The following PCDHGB3 variants were observed in gnomAD, a reference collection of about 807,000 sequenced individuals.
PCDHGB3 encodes protocadherin gamma-B3.
Under a neutral mutation model 59.2 loss-of-function variants are expected in PCDHGB3, and 40 were observed. The ratio of observed to expected loss-of-function variants is 0.68; its 90% CI spans 0.52 to 0.88. PCDHGB3 has a LOEUF of 0.88. Ranked by LOEUF, PCDHGB3 falls within the 40% of genes least tolerant of loss-of-function variation. PCDHGB3 has a pLI of 0.00. For synonymous variants in PCDHGB3, 581 were observed against 503.6 expected, an observed-to-expected ratio of 1.15 and a Z score of -2.06; for missense variants, 1,309 against 1,187.9, an observed-to-expected ratio of 1.10 and a Z score of -1.50.
chr5:141,396,134 A>G (rs970824771), intron 1 of PCDHGB3: 1 of 152,226 alleles, frequency 6.6e-6, no homozygotes, highest in East Asian at 1.9e-4. Context: ...CACAAGTTCT[A>G]AATAAGCTGA....
chr5:141,486,163 G>A lies in PCDHGB3; in HGVS notation c.2416-8644G>A. 2.5e-6 allele frequency: 4 copies of A among 1,614,212 alleles called. No individual in the cohort carries two copies. Among genetic ancestry groups the A allele is most frequent in the Non-Finnish European group, 3.4e-6 (4 of 1,180,034 alleles). The stretch of plus-strand genomic sequence containing the variant: ...CTCGCGATGGGGGTTCTCCAGCCAT[G>A]GAGCAACATTGCAGCCTTCGAGTGG... On this transcript the variant is annotated intron_variant, in intron 1 of 3. Transcript: ENST00000576222. This position sits in a 1 kb window ranked among gnomAD's most constrained non-coding sequence, Gnocchi z 5.0.
At chr5:141,389,620 C>T (rs1447057180) in intron 1 of PCDHGB3, 1 of 1,613,032 alleles carries the variant, frequency 6.2e-7, no homozygotes, top group African/African-American at 1.3e-5. Context: ...GTGCCGCACG[C>T]TGCAGAGCCT....
In PCDHGB3 at chr5:141,477,913, T is replaced by G; in HGVS notation, c.2416-16894T>G. ...CACGGGTGGTAGGCTGGGACGCGGA[T>G]GCAGGGCACAATGCCTGGCTCTCCT... On this transcript the variant is annotated intron_variant, in intron 1 of 3. Transcript: ENST00000576222. This position sits in a 1 kb window ranked among gnomAD's most constrained non-coding sequence, Gnocchi z 4.9. 6.2e-7 allele frequency: 1 copy of G among 1,614,190 alleles called. No individual in the cohort carries two copies. Among genetic ancestry groups the G allele is most frequent in the Non-Finnish European group, 8.5e-7 (1 of 1,180,024 alleles).
Position 141,486,239 on chromosome 5 carries a change from C to G in PCDHGB3, c.2416-8568C>G, listed in dbSNP as rs751510109. On this transcript the variant is annotated intron_variant, in intron 1 of 3. Transcript: ENST00000576222. The surrounding 1 kb of genome is among the most constrained non-coding windows in gnomAD (Gnocchi z 5.0). ...CCCTTACATCACAGTGACCTCAGAG[C>G]TTGGAACCCTCCCCGAGAGTGCAGA... 6.2e-7 allele frequency: 1 copy of G among 1,614,160 alleles called. No individual in the cohort carries two copies. Among genetic ancestry groups the G allele is most frequent in the Admixed American group, 1.7e-5 (1 of 60,020 alleles).
intron 1 of PCDHGB3, among the ~76,000 whole-genome samples, chr5:141,437,364 T>G (rs1026384836): frequency 6.6e-6 from 1 of 152,232 alleles, no homozygotes; most frequent in Non-Finnish European, 1.5e-5. Context: ...AAAATTGGAA[T>G]GTAATCAGTC....
chr5:141,464,043 T>C (rs2099074643), intron 1 of PCDHGB3, among the ~76,000 whole-genome samples: 2 of 152,074 alleles, frequency 1.3e-5, no homozygotes, highest in African/African-American at 4.8e-5. Context: ...GGCGGGTGGA[T>C]CACCTGAGGT....
chr5:141,409,508 A>G, intron 1 of PCDHGB3: 2 of 1,614,022 alleles, frequency 1.2e-6, no homozygotes, highest in Non-Finnish European at 1.7e-6. Context: ...TTCTTCCAGT[A>G]GAAGCATCAC....
At chr5:141,411,562 C>A (rs569842846) in intron 1 of PCDHGB3, 1 of 152,054 alleles carries the variant, frequency 6.6e-6, no homozygotes, top group Non-Finnish European at 1.5e-5. Context: ...CCAGCCTGGG[C>A]GACAGAGTGC....
At chr5:141,415,551 C>T (rs745641887) in intron 1 of PCDHGB3, 1 of 1,614,132 alleles carries the variant, frequency 6.2e-7, no homozygotes, top group South Asian at 1.1e-5. Context: ...GTGAGAAAAA[C>T]GATCCTTTGT....
rs773340535 is a variant in PCDHGB3, at chr5:141,388,285, C to G, written c.2415+15476C>G. Reference sequence around the variant, plus strand: ...ATTAATGACCACACGCCAAAATTCACGCAAAATTCCTTTGAGCTGCAAATA... The same window carrying G: ...ATTAATGACCACACGCCAAAATTCAGGCAAAATTCCTTTGAGCTGCAAATA... On this transcript the variant is annotated intron_variant, in intron 1 of 3. Transcript: ENST00000576222. 3 of 1,613,318 alleles carry G rather than the reference C, an allele frequency of 1.9e-6. No homozygotes were observed. The Admixed American group carries it at 5.0e-5, about 27-fold the overall frequency.
At chr5:141,377,773 A>G (rs987234769) in intron 1 of PCDHGB3, 4 of 152,220 alleles carry the variant, frequency 2.6e-5, no homozygotes, top group Admixed American at 6.5e-5. Flanking sequence ...TTTGGTGTTA[A>G]AAGACCTGAA....
Position 141,432,923 on chromosome 5 carries a change from T to C in PCDHGB3, c.2415+60114T>C. ...GCTCAGGCTGCGGCGCTGGCACAAG[T>C]CACGCCTGCTGCAGGCTTCAGGAGG... On this transcript the variant is annotated intron_variant, in intron 1 of 3. Coordinates refer to ENST00000576222, the MANE Select transcript of PCDHGB3 (RefSeq NM_018924.5). This position sits in a 1 kb window ranked among gnomAD's most constrained non-coding sequence, Gnocchi z 6.0. The C allele has an allele frequency of 6.2e-7, 1 of 1,614,186 alleles. No homozygotes were observed. Among genetic ancestry groups the C allele is most frequent in the Non-Finnish European group, 8.5e-7 (1 of 1,180,034 alleles).
At chr5:141,416,274 A>G (rs2096010347) in intron 1 of PCDHGB3, 2 of 152,404 alleles carry the variant, frequency 1.3e-5, no homozygotes, top group Non-Finnish European at 1.5e-5. Flanking sequence ...CTTTTTGCAT[A>G]CAATTCTCTA....
intron 1 of PCDHGB3, 68 bp downstream of exon 1, chr5:141,372,877 A>G: frequency 1.6e-6 from 2 of 1,270,298 alleles, no homozygotes; most frequent in Non-Finnish European, 2.1e-6. Flanking sequence ...TAGAGATAAA[A>G]AGAATACAGA....
At chr5:141,393,912 G>A (rs1430302094) in intron 1 of PCDHGB3, 1 of 1,613,924 alleles carries the variant, frequency 6.2e-7, no homozygotes. Context: ...GACAGTAATT[G>A]CCTTCTTGAG....
chr5:141,408,506 T>C, intron 1 of PCDHGB3: 2 of 1,614,010 alleles, frequency 1.2e-6, no homozygotes, highest in Non-Finnish European at 1.7e-6. Flanking sequence ...GAGAAGAAGA[T>C]GTGAGTTGCA....
Position 141,370,390 on chromosome 5 carries a change from G to A in PCDHGB3, c.-5G>A, listed in dbSNP as rs765930146. 5.2e-6 allele frequency: 8 copies of A among 1,543,776 alleles called. No homozygotes were observed. In the African/African-American group the frequency reaches 9.7e-5, roughly 19 times the overall value. The stretch of plus-strand genomic sequence containing the variant: ...ATTTAGAAAGGCAAAGGCGCAGAGA[G>A]CGGGATGGGAAATAGCTCCGGATGG... On this transcript the variant is annotated 5_prime_UTR_variant, in exon 1 of 4. Transcript: ENST00000576222.
intron 1 of PCDHGB3, chr5:141,400,170 G>T (rs779918187): frequency 6.2e-7 from 1 of 1,614,066 alleles, no homozygotes; most frequent in Admixed American, 1.7e-5. Flanking sequence ...CTGACCCCCA[G>T]GCTGAGCTGC....
chr5:141,422,828 T>C (rs1273420440), intron 1 of PCDHGB3: 2 of 1,614,232 alleles, frequency 1.2e-6, no homozygotes, highest in East Asian at 4.5e-5. Context: ...CTGAGAGTGA[T>C]AGCACGTGAC....
Sources: allele counts gnomAD v4.1 joint callset (sites outside exome capture counted in the v4.1 genomes callset), GRCh38; gene constraint gnomAD v4.1.1; non-coding constraint Gnocchi (gnomAD v3.1); transcripts MANE v1.5; gene names NCBI Gene and HGNC (gene_info 2026-07-23, HGNC 2026-07-21).